The following TNRC6A variants were observed in gnomAD, a reference collection of about 807,000 sequenced individuals.
TNRC6A encodes the protein trinucleotide repeat-containing gene 6A protein.
TNRC6A carries 44 observed loss-of-function variants against 221.2 expected under a neutral mutation model. The observed-to-expected ratio is 0.20, with a 90% CI of 0.16 to 0.26. The LOEUF (loss-of-function observed/expected upper bound fraction) is 0.26. Among genes scored for constraint, TNRC6A ranks in the 10% least tolerant of loss-of-function variants. The pLI is 1.00. For missense variants in TNRC6A, 2,199 were observed against 2,404.4 expected, an observed-to-expected ratio of 0.91 and a Z score of 1.79; for synonymous variants, 847 against 838.5, an observed-to-expected ratio of 1.01 and a Z score of -0.18.
At chr16:24,804,604 T>C in intron 12 of TNRC6A, 101 bp from the exon 13 acceptor site, 4 of 1,480,720 alleles carry the variant, frequency 2.7e-6, no homozygotes, top group Non-Finnish European at 3.6e-6. Context: ...TTCCTGTTGA[T>C]GCTGGAATGT....
chr16:24,750,024 C>T (rs914103199), intron 2 of TNRC6A, among the ~76,000 whole-genome samples: 11 of 152,030 alleles, frequency 7.2e-5, no homozygotes, highest in Admixed American at 1.3e-4. Context: ...CTTGTAAACC[C>T]GGCTACTCGG....
intron 2 of TNRC6A, among the ~76,000 whole-genome samples, chr16:24,657,893 T>C (rs1005520814): frequency 6.6e-6 from 1 of 152,146 alleles, no homozygotes; most frequent in Non-Finnish European, 1.5e-5. Context: ...GTAGATTTCC[T>C]AAAACAGCAT....
At chr16:24,782,942 A>T (rs1282516499) in intron 5 of TNRC6A, among the ~76,000 whole-genome samples, 1 of 152,158 alleles carries the variant, frequency 6.6e-6, no homozygotes, top group Non-Finnish European at 1.5e-5. Context: ...CATCTCTCTC[A>T]TACTCCTTGG....
At chr16:24,796,061 A>C in intron 9 of TNRC6A, 122 bp downstream of exon 9, 1 of 1,056,906 alleles carries the variant, frequency 9.5e-7, no homozygotes, top group Non-Finnish European at 1.4e-6. Flanking sequence ...TGGGGATTCA[A>C]ATACACTAAG....
At position 24,729,716 on chromosome 16, in the gene TNRC6A, G is replaced by GGCA. The variant is rs1308246681; in HGVS notation, c.-123_-121dup. On this transcript the variant is annotated 5_prime_UTR_variant, in exon 1 of 25. Coordinates refer to ENST00000395799, the MANE Select transcript of TNRC6A (RefSeq NM_014494.4). ...CGGCGGCGGCGGCGGCGGCGGCGGC[G>GGCA]GCAGCGGGTCGGTGTAGAAAATGGC... 7.0e-5 allele frequency: 73 copies of GGCA among 1,044,212 alleles called. No homozygotes were observed. The highest frequency in any genetic ancestry group is 6.0e-4 in the South Asian group (20 of 33,462). 64.7% of individuals were successfully genotyped at this position (1,044,212 alleles called of 1,614,324 possible).
At chr16:24,651,350 C>G (rs567155672) in intron 2 of TNRC6A, among the ~76,000 whole-genome samples, 1 of 150,360 alleles carries the variant, frequency 6.7e-6, no homozygotes, top group Non-Finnish European at 1.5e-5. Context: ...ACCAGCCTGA[C>G]CAACATGGAG....
At chr16:24,661,098 T>C (rs1336288127) in intron 2 of TNRC6A, among the ~76,000 whole-genome samples, 1 of 152,076 alleles carries the variant, frequency 6.6e-6, no homozygotes, top group African/African-American at 2.4e-5. Flanking sequence ...TTTTTTTCAA[T>C]AGCTTTAGGG....
At chr16:24,754,251 C>G (rs1219216405) in intron 3 of TNRC6A, among the ~76,000 whole-genome samples, 1 of 151,982 alleles carries the variant, frequency 6.6e-6, no homozygotes, top group East Asian at 1.9e-4. Flanking sequence ...ACCGACGAGC[C>G]TTACAACGAT....
chr16:24,619,352 G>A (rs1900547152), intron 1 of TNRC6A, among the ~76,000 whole-genome samples: 1 of 152,182 alleles, frequency 6.6e-6, no homozygotes, highest in South Asian at 2.1e-4. Flanking sequence ...TATTATAGAT[G>A]CAATAAGAAT....
intron 2 of TNRC6A, among the ~76,000 whole-genome samples, chr16:24,730,736 CCCCCG>C (rs1259250156): frequency 2.7e-4 from 2 of 7,542 alleles, no homozygotes; most frequent in South Asian, 0.012. Flanking sequence ...TTCGCATTCC[CCCCCG>C]CCCCCCCCCC....
Position 24,710,388 on chromosome 16 carries a change from A to G in TNRC6A, n.403-40338A>G, listed in dbSNP as rs2056182423. Among the ~76,000 whole-genome samples the G allele has an allele frequency of 1.3e-5, 2 of 151,978 alleles. 1 individual carries two copies. The highest frequency in any genetic ancestry group is 4.2e-4 in the South Asian group (2 of 4,816). On this transcript the variant is annotated intron_variant and non_coding_transcript_variant, in intron 2 of 2. Transcript: ENST00000566108. ...TTCGAGAGGCTGAGGCAGGAGGATC[A>G]CTGGAGCCCAGGAGTTCAAGACCAG...
chr16:24,804,868 AT>A lies in TNRC6A; in HGVS notation c.3984+21del. On this transcript the variant is annotated intron_variant, in intron 13 of 24. Coordinates refer to ENST00000395799, the MANE Select transcript of TNRC6A (RefSeq NM_014494.4). ...GTTAGACAGGTAAGTCCAGATGTGT[AT>A]TTTAGGCTCTCAGTTGAATGATTTG... 6.2e-7 allele frequency: 1 copy of A among 1,613,514 alleles called. No homozygotes were observed.
At chr16:24,716,459 A>T (rs972134408) in intron 2 of TNRC6A, among the ~76,000 whole-genome samples, 3 of 152,184 alleles carry the variant, frequency 2.0e-5, no homozygotes, top group Admixed American at 6.6e-5. Flanking sequence ...ACTTGAGGCC[A>T]GGAGTTTGAG....
At chr16:24,708,304 G>A (rs1447638005) in intron 2 of TNRC6A, among the ~76,000 whole-genome samples, 2 of 150,192 alleles carry the variant, frequency 1.3e-5, no homozygotes, top group African/African-American at 2.4e-5. Context: ...GCGGTGGCGC[G>A]ATGTCAGCTC....
At chr16:24,618,144 C>T (rs1273565947) in intron 1 of TNRC6A, among the ~76,000 whole-genome samples, 2 of 151,976 alleles carry the variant, frequency 1.3e-5, no homozygotes, top group Non-Finnish European at 2.9e-5. Flanking sequence ...GGGTCTTGAA[C>T]TCTCAGCCTC....
intron 4 of TNRC6A, among the ~76,000 whole-genome samples, chr16:24,774,338 T>TG (rs2057676370): frequency 6.6e-6 from 1 of 152,250 alleles, no homozygotes; most frequent in Non-Finnish European, 1.5e-5. Flanking sequence ...ATTGTCTTGA[T>TG]GTCTTTACTG....
chr16:24,648,470 C>T (rs1438049711), intron 2 of TNRC6A, among the ~76,000 whole-genome samples: 1 of 151,846 alleles, frequency 6.6e-6, no homozygotes, highest in Non-Finnish European at 1.5e-5. Context: ...CGGGGTTTCA[C>T]CGTGTTAGCC....
chr16:24,804,122 T>C (rs942923681), intron 11 of TNRC6A, 55 bp from the exon 12 acceptor site: 2 of 1,531,576 alleles, frequency 1.3e-6, no homozygotes, highest in African/African-American at 2.8e-5. Context: ...TGTAAATTTA[T>C]CTGAAACCAA....
intron 2 of TNRC6A, among the ~76,000 whole-genome samples, chr16:24,667,802 G>C (rs1227941426): frequency 6.6e-6 from 1 of 152,206 alleles, no homozygotes; most frequent in Non-Finnish European, 1.5e-5. Context: ...ACTTTGGGAG[G>C]CTGAGGCAGG....
Sources: gnomAD v4.1 joint callset for allele counts (sites outside exome capture counted in the v4.1 genomes callset) on GRCh38, gnomAD v4.1.1 for gene constraint, MANE v1.5 for transcripts, NCBI Gene and HGNC (gene_info 2026-07-23, HGNC 2026-07-21) for gene names.